SPHKAP: variants seen among roughly 807,000 people sequenced by gnomAD.
The protein encoded by SPHKAP is A-kinase anchor protein SPHKAP.
A neutral mutation model predicts 137.5 loss-of-function variants in SPHKAP; 67 were observed. The observed-to-expected ratio is 0.49, with a 90% CI of 0.40 to 0.60. SPHKAP has a LOEUF of 0.60. Among genes scored for constraint, SPHKAP ranks in the 20% least tolerant of loss-of-function variants. SPHKAP has a pLI of 0.00. For missense variants in SPHKAP, 2,097 were observed against 2,069.3 expected (o/e 1.01, Z -0.26); for synonymous variants, 813 against 785.3 (o/e 1.04, Z -0.59).
chr2:228,053,107 T>G (rs563026606), intron 3 of SPHKAP, among the ~76,000 whole-genome samples: 147 of 152,270 alleles, frequency 9.7e-4, no homozygotes, highest in Non-Finnish European at 1.8e-3. Flanking sequence ...TCTTTCTGAC[T>G]CGTAGACAGC....
chr2:227,983,164 C>T (rs1253611733), intron 11 of SPHKAP, among the ~76,000 whole-genome samples: 2 of 151,976 alleles, frequency 1.3e-5, no homozygotes, highest in African/African-American at 4.8e-5. Flanking sequence ...CAGAGATCAG[C>T]CAGGAACTGG....
At chr2:228,035,234 A>G (rs1181108369) in intron 3 of SPHKAP, among the ~76,000 whole-genome samples, 2 of 119,924 alleles carry the variant, frequency 1.7e-5, no homozygotes, top group Non-Finnish European at 3.5e-5. Flanking sequence ...TTATACACCA[A>G]TAACAGACAA....
chr2:228,021,642 T>C, intron 6 of SPHKAP, 69 bp downstream of exon 6: 1 of 1,539,602 alleles, frequency 6.5e-7, no homozygotes, highest in Non-Finnish European at 8.7e-7. Context: ...CTGGAACTTT[T>C]CTGAAATCTC....
At chr2:228,095,607 G>A (rs1039058951) in intron 3 of SPHKAP, among the ~76,000 whole-genome samples, 1 of 152,102 alleles carries the variant, frequency 6.6e-6, no homozygotes, top group African/African-American at 2.4e-5. Context: ...AAAATGGTAA[G>A]AAACGTGAGC....
At chr2:228,075,732 T>A (rs1225602265) in intron 3 of SPHKAP, among the ~76,000 whole-genome samples, 1 of 152,234 alleles carries the variant, frequency 6.6e-6, no homozygotes, top group Admixed American at 6.5e-5. Flanking sequence ...GCAAAACATG[T>A]AATTTCTTAG....
intron 2 of SPHKAP, among the ~76,000 whole-genome samples, chr2:228,111,304 G>A (rs1698509051): frequency 1.3e-5 from 2 of 152,116 alleles, no homozygotes; most frequent in Admixed American, 1.3e-4. Context: ...AGTTTCCACA[G>A]CTGTGAATGC....
intron 8 of SPHKAP, 70 bp from the exon 9 acceptor site, chr2:227,993,690 C>T (rs1693510132): frequency 4.5e-6 from 6 of 1,334,258 alleles, no homozygotes; most frequent in Non-Finnish European, 6.3e-6. Context: ...AGTGATGTTC[C>T]ATTGTTGTAC....
intron 3 of SPHKAP, among the ~76,000 whole-genome samples, chr2:228,070,091 A>C (rs1696958366): frequency 2.0e-5 from 3 of 152,120 alleles, no homozygotes; most frequent in Non-Finnish European, 4.4e-5. Flanking sequence ...AGGGATGCCA[A>C]CCCCTGTGCA....
intron 11 of SPHKAP, among the ~76,000 whole-genome samples, chr2:227,984,287 G>A (rs548351484): frequency 3.7e-5 from 5 of 136,338 alleles, no homozygotes; most frequent in East Asian, 2.1e-4. Context: ...GTGACAGAGT[G>A]AGACTCCATC....
At chr2:228,170,147 T>C (rs1483924574) in intron 1 of SPHKAP, among the ~76,000 whole-genome samples, 1 of 152,128 alleles carries the variant, frequency 6.6e-6, no homozygotes, top group East Asian at 1.9e-4. Context: ...TATGACTTAA[T>C]TGCTGCAATC....
intron 3 of SPHKAP, among the ~76,000 whole-genome samples, chr2:228,073,397 C>T (rs1053320562): frequency 1.1e-4 from 16 of 152,114 alleles, no homozygotes; most frequent in African/African-American, 1.4e-4. Context: ...TAGGCAGAAA[C>T]GGTCTAGAAA....
chr2:227,995,665 T>C lies in SPHKAP; in HGVS notation c.4478A>G (p.Glu1493Gly), dbSNP rs754360345. 5.6e-6 allele frequency: 9 copies of C among 1,608,788 alleles called. No individual in the cohort carries two copies. In the East Asian group the frequency reaches 6.7e-5, roughly 12 times the overall value. ...SDSLDTRDVP[E>G]AEASTEARAP... is the part of the protein sequence containing the mutation. Reference sequence around the variant, plus strand: ...TCTGGCTTCTGTGGAGGCTTCAGCCTCTGGTACATCTCTGGTATCAAGGCT... The same window carrying C: ...TCTGGCTTCTGTGGAGGCTTCAGCCCCTGGTACATCTCTGGTATCAAGGCT... The change falls in exon 8 of 12, where the codon GAG becomes GGG. Residue 1493 changes from glutamate to glycine, a missense_variant. Transcript: ENST00000392056.
At chr2:228,100,204 A>G (rs1423789765) in intron 3 of SPHKAP, among the ~76,000 whole-genome samples, 1 of 152,148 alleles carries the variant, frequency 6.6e-6, no homozygotes, top group Non-Finnish European at 1.5e-5. Flanking sequence ...ACTTTATTAA[A>G]GTTGTTTATC....
At chr2:228,106,349 G>A (rs1047886630) in intron 3 of SPHKAP, among the ~76,000 whole-genome samples, 1 of 149,908 alleles carries the variant, frequency 6.7e-6, no homozygotes, top group Non-Finnish European at 1.5e-5. Context: ...ATTTAGGTCA[G>A]GATGAAATAA....
chr2:228,034,210 C>G (rs895985933), intron 3 of SPHKAP, among the ~76,000 whole-genome samples: 68 of 152,302 alleles, frequency 4.5e-4, no homozygotes, highest in Non-Finnish European at 2.1e-4. Context: ...CACCACTGAT[C>G]CCACAGAAAT....
At chr2:228,088,329 GT>G (rs1489038229) in intron 3 of SPHKAP, among the ~76,000 whole-genome samples, 1 of 152,048 alleles carries the variant, frequency 6.6e-6, no homozygotes, top group Non-Finnish European at 1.5e-5. Context: ...CTAGAAATAA[GT>G]TTATATATAT....
At chr2:228,151,617 T>C (rs937323070) in intron 1 of SPHKAP, among the ~76,000 whole-genome samples, 9 of 152,166 alleles carry the variant, frequency 5.9e-5, no homozygotes, top group African/African-American at 1.7e-4. Flanking sequence ...TTTTTAATGA[T>C]CGCCATTCTA....
chr2:228,053,125 T>C (rs145633080), intron 3 of SPHKAP, among the ~76,000 whole-genome samples: 4 of 152,288 alleles, frequency 2.6e-5, no homozygotes, highest in African/African-American at 7.2e-5. Flanking sequence ...AGCCATCTTC[T>C]TGCTGTGTTA....
intron 7 of SPHKAP, among the ~76,000 whole-genome samples, chr2:228,006,177 C>T (rs1247569297): frequency 6.6e-6 from 1 of 152,156 alleles, no homozygotes; most frequent in African/African-American, 2.4e-5. Context: ...TCAGGTACAC[C>T]AATCCGATGT....
Sources: gnomAD v4.1 joint callset for allele counts (sites outside exome capture counted in the v4.1 genomes callset) on GRCh38, gnomAD v4.1.1 for gene constraint, MANE v1.5 for transcripts, NCBI Gene and HGNC (gene_info 2026-07-23, HGNC 2026-07-21) for gene names.